Variants in PIK3C2G observed in about 807,000 individuals in gnomAD.
PIK3C2G encodes the protein phosphatidylinositol 3-kinase C2 domain-containing subunit gamma.
Under a neutral mutation model 181.1 loss-of-function variants are expected in PIK3C2G, and 168 were observed. The observed-to-expected ratio is 0.93, with a 90% CI of 0.82 to 1.05. The LOEUF (loss-of-function observed/expected upper bound fraction) is 1.05. Ranked by LOEUF, PIK3C2G falls within the 50% of genes least tolerant of loss-of-function variation. PIK3C2G has a pLI of 0.00. For synonymous variants in PIK3C2G, 573 were observed against 592.2 expected (o/e 0.97, Z 0.47); for missense variants, 1,869 against 1,732.8 (o/e 1.08, Z -1.40).
intron 31 of PIK3C2G, among the ~76,000 whole-genome samples, chr12:18,632,535 T>A (rs1177143582): frequency 6.6e-6 from 1 of 152,092 alleles, no homozygotes; most frequent in Admixed American, 6.5e-5. Flanking sequence ...AATATAGACA[T>A]AAAGAGATTG....
the PIK3C2G span, chr12:18,701,672 T>C: frequency 6.2e-7 from 1 of 1,606,884 alleles, no homozygotes; most frequent in East Asian, 2.3e-5. Context: ...CCACTTCTTC[T>C]TCCCATTCCT....
In PIK3C2G at chr12:18,439,048, A is replaced by G. The variant is rs1223992456; in HGVS notation, c.2504+15009A>G. Among the ~76,000 whole-genome samples, 5 of 151,966 alleles carry G rather than the reference A, an allele frequency of 3.3e-5. No homozygotes were observed. In the East Asian group the frequency reaches 9.7e-4, roughly 29 times the overall value. Reference sequence around the variant, plus strand: ...TTGGATCTCAGATTCCTGACATTTGACTCCTGACTCCTACCATTGCATTGC... The same window carrying G: ...TTGGATCTCAGATTCCTGACATTTGGCTCCTGACTCCTACCATTGCATTGC... On this transcript the variant is annotated intron_variant, in intron 18 of 32. Coordinates refer to ENST00000538779, the MANE Select transcript of PIK3C2G (RefSeq NM_001288772.2).
the PIK3C2G span, chr12:18,719,556 AT>A: frequency 6.2e-7 from 1 of 1,603,456 alleles, no homozygotes; most frequent in Admixed American, 1.7e-5. Context: ...TTCTACATTC[AT>A]TTTTAAACAG....
At chr12:18,530,159 A>T (rs192592149) in intron 24 of PIK3C2G, among the ~76,000 whole-genome samples, 1 of 152,268 alleles carries the variant, frequency 6.6e-6, no homozygotes, top group African/African-American at 2.4e-5. Context: ...GCAGATGACC[A>T]TACTTACTTT....
chr12:18,562,921 A>G, intron 27 of PIK3C2G, 29 bp downstream of exon 27: 2 of 1,460,828 alleles, frequency 1.4e-6, no homozygotes, highest in Non-Finnish European at 9.4e-7. Flanking sequence ...ATCTTGACTT[A>G]CGTATCACTT....
At chr12:18,517,727 T>C (rs1942643148) in intron 24 of PIK3C2G, among the ~76,000 whole-genome samples, 2 of 152,122 alleles carry the variant, frequency 1.3e-5, no homozygotes, top group Admixed American at 1.3e-4. Flanking sequence ...TCTTTATTTC[T>C]TTTCTTGCCT....
intron 18 of PIK3C2G, among the ~76,000 whole-genome samples, chr12:18,465,233 G>A (rs192736473): frequency 3.3e-4 from 50 of 151,894 alleles, no homozygotes; most frequent in South Asian, 1.5e-3. Context: ...TGAATTTAGC[G>A]TACTTTATGT....
chr12:18,249,058 A>G (rs1948070520), intron 1 of PIK3C2G, among the ~76,000 whole-genome samples: 1 of 152,148 alleles, frequency 6.6e-6, no homozygotes, highest in African/African-American at 2.4e-5. Flanking sequence ...CTTCTTAGAC[A>G]ATATCATCAA....
At chr12:18,572,160 G>GA (rs1945979905) in intron 29 of PIK3C2G, among the ~76,000 whole-genome samples, 1 of 140,708 alleles carries the variant, frequency 7.1e-6, no homozygotes, top group African/African-American at 3.0e-5. Context: ...TACAAATAAT[G>GA]TACATCTATA....
At chr12:18,579,961 T>C (rs1411199807) in intron 29 of PIK3C2G, among the ~76,000 whole-genome samples, 3 of 151,922 alleles carry the variant, frequency 2.0e-5, no homozygotes, top group African/African-American at 7.2e-5. Context: ...GGTGAAACCC[T>C]GTGTCTACTA....
At chr12:18,255,221 AAAT>A (rs1451169188) in intron 1 of PIK3C2G, among the ~76,000 whole-genome samples, 6 of 93,546 alleles carry the variant, frequency 6.4e-5, no homozygotes, top group Non-Finnish European at 1.2e-4. Flanking sequence ...TCTCAAAAAT[AAAT>A]AAATAAATAA....
Position 18,571,420 on chromosome 12 carries a change from G to A in PIK3C2G, c.4011+4363G>A, listed in dbSNP as rs574839895. 1.6e-3 allele frequency among the ~76,000 whole-genome samples: 248 copies of A among 150,684 alleles called. 18 individuals are homozygous for A. The highest frequency in any genetic ancestry group is 5.9e-3 in the African/African-American group (240 of 40,340). On this transcript the variant is annotated intron_variant, in intron 29 of 32. Coordinates refer to ENST00000538779, the MANE Select transcript of PIK3C2G (RefSeq NM_001288772.2). ...CAAATTGTCATCTTGACTGGTTTTT[G>A]TTTGTTTGTACCAGTAGAGGTTTAT...
intron 22 of PIK3C2G, among the ~76,000 whole-genome samples, chr12:18,501,359 C>A (rs1941466704): frequency 1.3e-5 from 2 of 152,088 alleles, no homozygotes; most frequent in African/African-American, 4.8e-5. Context: ...ATAAAACCAT[C>A]AAATCTTGTG....
At chr12:18,269,277 A>G (rs542866489) in intron 1 of PIK3C2G, among the ~76,000 whole-genome samples, 43 of 152,322 alleles carry the variant, frequency 2.8e-4, no homozygotes, top group African/African-American at 8.2e-4. Flanking sequence ...AACATCATTA[A>G]GTAGGTATCT....
At chr12:18,417,712 C>G (rs1945257524) in intron 16 of PIK3C2G, among the ~76,000 whole-genome samples, 1 of 151,506 alleles carries the variant, frequency 6.6e-6, no homozygotes. Context: ...ATTTAGTAGA[C>G]TACAGTATGG....
intron 30 of PIK3C2G, among the ~76,000 whole-genome samples, chr12:18,596,255 C>A (rs946244087): frequency 9.9e-5 from 15 of 152,004 alleles, no homozygotes; most frequent in Admixed American, 9.8e-4. Context: ...AATGTTCTGG[C>A]ACAAGAAATT....
chr12:18,605,686 T>C (rs2136566654), intron 30 of PIK3C2G, among the ~76,000 whole-genome samples: 1 of 152,284 alleles, frequency 6.6e-6, no homozygotes, highest in East Asian at 1.9e-4. Context: ...TAAGCATAGT[T>C]GAATCCCTCA....
intron 18 of PIK3C2G, among the ~76,000 whole-genome samples, chr12:18,461,440 T>C (rs1947913541): frequency 6.6e-6 from 1 of 152,170 alleles, no homozygotes; most frequent in Non-Finnish European, 1.5e-5. Flanking sequence ...TAGTTATTTC[T>C]TTGGACTATT....
the PIK3C2G span, among the ~76,000 whole-genome samples, chr12:18,710,473 T>C: frequency 3.7e-3 from 561 of 152,114 alleles, 1 homozygote; most frequent in African/African-American, 0.012. Flanking sequence ...ACTTATGGCC[T>C]TGTGAGTCAT....
Sources: allele counts gnomAD v4.1 joint callset (sites outside exome capture counted in the v4.1 genomes callset), GRCh38; gene constraint gnomAD v4.1.1; transcripts MANE v1.5; gene names NCBI Gene and HGNC (gene_info 2026-07-23, HGNC 2026-07-21).